Variants in INPP4B observed in about 807,000 individuals in gnomAD.
INPP4B encodes the protein inositol polyphosphate-4-phosphatase type II B.
In INPP4B, 55 loss-of-function variants were observed where a neutral mutation model predicts 122.5. The observed-to-expected ratio is 0.45, with a 90% CI of 0.36 to 0.56. The LOEUF is 0.56. INPP4B is among the 20% of genes least tolerant of loss of function. The pLI is 0.00. For missense variants in INPP4B, 1,000 were observed against 1,097.7 expected (o/e 0.91, Z 1.26); for synonymous variants, 403 against 388.7 (o/e 1.04, Z -0.43).
At chr4:142,226,633 A>G (rs1851702466) in intron 12 of INPP4B, among the ~76,000 whole-genome samples, 1 of 152,218 alleles carries the variant, frequency 6.6e-6, no homozygotes, top group Admixed American at 6.5e-5. Flanking sequence ...GTGCGCCTGC[A>G]ACATGAATCA....
chr4:142,309,200 A>G (rs750170191), intron 8 of INPP4B, among the ~76,000 whole-genome samples: 54 of 152,340 alleles, frequency 3.5e-4, no homozygotes, highest in African/African-American at 1.2e-3. Flanking sequence ...CAGATGCCTT[A>G]AAAGTATCTA....
chr4:142,489,669 C>T (rs551421079), intron 2 of INPP4B, among the ~76,000 whole-genome samples: 32 of 152,248 alleles, frequency 2.1e-4, no homozygotes, highest in African/African-American at 6.0e-4. Flanking sequence ...GCTGGGATTA[C>T]AGGTGTGAGC....
intron 7 of INPP4B, among the ~76,000 whole-genome samples, chr4:142,319,434 A>C (rs1475212240): frequency 1.3e-5 from 2 of 152,194 alleles, no homozygotes; most frequent in African/African-American, 2.4e-5. Context: ...TACTTGTTCT[A>C]CTTGGAAGGA....
At chr4:142,392,932 G>A (rs1798204189) in intron 7 of INPP4B, among the ~76,000 whole-genome samples, 1 of 152,042 alleles carries the variant, frequency 6.6e-6, no homozygotes, top group Non-Finnish European at 1.5e-5. Context: ...TGGTTTATGC[G>A]GACCCTGGGT....
chr4:142,438,216 T>C lies in INPP4B; in HGVS notation c.-126-6831A>G, dbSNP rs541203887. 3.7e-3 allele frequency among the ~76,000 whole-genome samples: 565 copies of C among 152,248 alleles called. 5 individuals carry two copies. The highest frequency in any genetic ancestry group is 0.011 in the African/African-American group (465 of 41,540). On this transcript the variant is annotated intron_variant, in intron 3 of 25. Coordinates refer to ENST00000262992, the MANE Select transcript of INPP4B (RefSeq NM_001101669.3). ...GAAAAAAACTACTTTAAAATTCATA[T>C]GGAACCAAAAAAGAGCCTGTATAAC...
At chr4:142,828,502 C>T (rs1291378298) in intron 1 of INPP4B, among the ~76,000 whole-genome samples, 1 of 152,058 alleles carries the variant, frequency 6.6e-6, no homozygotes, top group Non-Finnish European at 1.5e-5. Context: ...GTTTAAAAGA[C>T]TCTACTTAGA....
At chr4:142,365,897 A>G (rs1004542592) in intron 7 of INPP4B, among the ~76,000 whole-genome samples, 3 of 152,022 alleles carry the variant, frequency 2.0e-5, no homozygotes, top group Non-Finnish European at 4.4e-5. Context: ...CCTTAATTCA[A>G]TAATAATTTT....
At chr4:142,226,676 A>G (rs1186499824) in intron 12 of INPP4B, among the ~76,000 whole-genome samples, 1 of 152,246 alleles carries the variant, frequency 6.6e-6, no homozygotes, top group Admixed American at 6.5e-5. Flanking sequence ...AGTTGTAGAC[A>G]GAAAAACCAT....
At chr4:142,132,633 C>A (rs168061) in intron 18 of INPP4B, among the ~76,000 whole-genome samples, 1 of 151,924 alleles carries the variant, frequency 6.6e-6, no homozygotes, top group Non-Finnish European at 1.5e-5. Flanking sequence ...CTAGCTCAGA[C>A]CATCTCCTCT....
chr4:142,106,775 C>T (rs2152680281), intron 23 of INPP4B, among the ~76,000 whole-genome samples: 1 of 152,188 alleles, frequency 6.6e-6, no homozygotes, highest in African/African-American at 2.4e-5. Flanking sequence ...CACAGTGTGG[C>T]CTGCGAATTT....
intron 16 of INPP4B, among the ~76,000 whole-genome samples, chr4:142,164,648 A>T (rs1821808141): frequency 6.6e-6 from 1 of 151,772 alleles, no homozygotes; most frequent in Non-Finnish European, 1.5e-5. Context: ...AGTTTGCATA[A>T]AATTACAGTG....
At chr4:142,192,635 T>C (rs1836502151) in intron 15 of INPP4B, among the ~76,000 whole-genome samples, 1 of 152,082 alleles carries the variant, frequency 6.6e-6, no homozygotes, top group African/African-American at 2.4e-5. Flanking sequence ...GAACATAGAA[T>C]TCTGTATTGT....
intron 25 of INPP4B, among the ~76,000 whole-genome samples, chr4:142,049,988 A>T (rs1001724402): frequency 6.6e-6 from 1 of 152,024 alleles, no homozygotes; most frequent in Non-Finnish European, 1.5e-5. Flanking sequence ...TCACAAAACA[A>T]TCAACTAAAG....
intron 2 of INPP4B, among the ~76,000 whole-genome samples, chr4:142,482,421 A>G (rs1820674774): frequency 1.3e-5 from 2 of 152,194 alleles, no homozygotes; most frequent in South Asian, 4.1e-4. Context: ...ACCTTAATAA[A>G]GCTGTTATGC....
chr4:142,506,069 C>T (rs185086738), intron 2 of INPP4B, among the ~76,000 whole-genome samples: 7 of 152,114 alleles, frequency 4.6e-5, no homozygotes, highest in East Asian at 3.9e-4. Flanking sequence ...TAATGAGTGT[C>T]GAAGTTTGTT....
chr4:142,193,575 C>A (rs935762898), intron 14 of INPP4B, among the ~76,000 whole-genome samples: 1 of 151,902 alleles, frequency 6.6e-6, no homozygotes, highest in Non-Finnish European at 1.5e-5. Context: ...TCAACAATAA[C>A]GAACAATCTT....
chr4:142,342,876 A>G (rs1321246734), intron 7 of INPP4B, among the ~76,000 whole-genome samples: 2 of 152,132 alleles, frequency 1.3e-5, no homozygotes, highest in Admixed American at 1.3e-4. Flanking sequence ...GCAAGTACCA[A>G]TACTGAATAA....
chr4:142,705,457 A>C (rs1162291438), intron 2 of INPP4B, among the ~76,000 whole-genome samples: 1 of 71,300 alleles, frequency 1.4e-5, no homozygotes, highest in Non-Finnish European at 2.9e-5. Context: ...TTCCCACCCC[A>C]AACACACACA....
chr4:142,451,070 G>T (rs2149508386), intron 3 of INPP4B, among the ~76,000 whole-genome samples: 1 of 151,544 alleles, frequency 6.6e-6, no homozygotes, highest in East Asian at 2.0e-4. Flanking sequence ...AACACGATAG[G>T]TGTATTTATG....
Sources: gnomAD v4.1 joint callset for allele counts (sites outside exome capture counted in the v4.1 genomes callset) on GRCh38, gnomAD v4.1.1 for gene constraint, MANE v1.5 for transcripts, NCBI Gene and HGNC (gene_info 2026-07-23, HGNC 2026-07-21) for gene names.